DUT: variants seen among roughly 807,000 people sequenced by gnomAD.
DUT encodes deoxyuridine 5'-triphosphate nucleotidohydrolase, mitochondrial.
DUT carries 21 observed loss-of-function variants against 28.8 expected under a neutral mutation model. The ratio of observed to expected loss-of-function variants is 0.73; its 90% CI spans 0.52 to 1.05. The LOEUF (loss-of-function observed/expected upper bound fraction) is 1.05, where lower values mean the gene tolerates loss of function less well. DUT is among the 50% of genes least tolerant of loss of function. The probability of loss-of-function intolerance (pLI) is 0.00; values close to 1 mark genes in which losing one functional copy is unlikely to be tolerated. For missense variants in DUT, 344 were observed against 351.8 expected, an observed-to-expected ratio of 0.98 and a Z score of 0.18; for synonymous variants, 147 against 143.7, an observed-to-expected ratio of 1.02 and a Z score of -0.17.
intron 4 of DUT, among the ~76,000 whole-genome samples, chr15:48,338,810 G>T (rs2042500782): frequency 1.3e-5 from 2 of 152,222 alleles, no homozygotes; most frequent in Admixed American, 1.3e-4. Flanking sequence ...AGCAGCCTGT[G>T]TCTGATATTA....
chr15:48,331,345 G>T, upstream of DUT: 1 of 1,449,152 alleles, frequency 6.9e-7, no homozygotes, highest in Non-Finnish European at 9.1e-7. Context: ...TGGGGCCCCA[G>T]GGCCTGCGCC....
rs779092209 is a variant in DUT, at chr15:48,334,527, A to T, written c.511+19A>T. On this transcript the variant is annotated intron_variant, in intron 3 of 6. Coordinates refer to ENST00000331200, the MANE Select transcript of DUT (RefSeq NM_001025248.2). ...AGAGTGGGTAAGTCATTTAAGAAACAGGTAACTATTTGTCAAGTTCTCCTT... is the reference window on the plus strand; with the variant it reads ...AGAGTGGGTAAGTCATTTAAGAAACTGGTAACTATTTGTCAAGTTCTCCTT... The T allele has an allele frequency of 1.9e-6, 3 of 1,549,648 alleles. No individual in the cohort carries two copies. The Admixed American group carries it at 5.1e-5, about 26-fold the overall frequency.
intron 4 of DUT, among the ~76,000 whole-genome samples, chr15:48,338,530 T>C (rs55791122): frequency 6.6e-6 from 1 of 151,818 alleles, no homozygotes; most frequent in East Asian, 1.9e-4. Context: ...GTCCAACAAA[T>C]GGGAGGAAAA....
intron 4 of DUT, among the ~76,000 whole-genome samples, chr15:48,339,222 TA>T (rs1247967262): frequency 6.6e-6 from 1 of 152,048 alleles, no homozygotes; most frequent in Non-Finnish European, 1.5e-5. Context: ...AAGAAAAAAA[TA>T]AAGTAGTATG....
intron 2 of DUT, chr15:48,332,611 A>G (rs1481379334): frequency 4.3e-6 from 3 of 703,782 alleles, no homozygotes; most frequent in Admixed American, 2.1e-5. Context: ...AAATAGCTAT[A>G]CGGTGTCTAG....
chr15:48,332,860 A>G (rs540627821), intron 2 of DUT: 2 of 443,680 alleles, frequency 4.5e-6, no homozygotes, highest in African/African-American at 2.0e-5. Flanking sequence ...GCATCTGAAA[A>G]CGAAAGGCAG....
chr15:48,331,552 C>G lies in DUT; in HGVS notation c.37C>G (p.His13Asp), dbSNP rs149324355. 230 of 1,610,948 alleles carry G rather than the reference C, an allele frequency of 1.4e-4. 1 individual carries two copies. In the African/African-American group the frequency reaches 2.7e-3, roughly 19 times the overall value. The change falls in exon 1 of 7, where the codon CAT (histidine) becomes GAT (aspartate). Residue 13 changes from histidine (H) to aspartate (D), a missense_variant. Transcript: ENST00000331200. Reference protein sequence around the residue: ...PLCPRPALCYHFLTSLLRSAM... With the variant: ...PLCPRPALCYDFLTSLLRSAM... ...CTGCCCTCGCCCCGCGCTCTGCTAC[C>G]ATTTCCTTACGTCTCTGCTTCGCTC...
At chr15:48,332,479 G>A in intron 2 of DUT, 73 bp downstream of exon 2, 1 of 1,314,736 alleles carries the variant, frequency 7.6e-7, no homozygotes, top group Non-Finnish European at 1.0e-6. Context: ...AACAGTCACC[G>A]GAGAGATCAC....
chr15:48,337,194 C>G (rs1334620783), intron 4 of DUT, among the ~76,000 whole-genome samples: 1 of 152,144 alleles, frequency 6.6e-6, no homozygotes, highest in Admixed American at 6.5e-5. Context: ...TTTTACATAG[C>G]AGGGTGGACA....
In DUT at chr15:48,342,850, A is replaced by G. The variant is rs1173966759; in HGVS notation, c.*772A>G. ...GAAGTAGCAATAGGCTGTAATCAAG[A>G]AAATATGCCATTTATAGAGATAAGA... On this transcript the variant is annotated 3_prime_UTR_variant, in exon 7 of 7. Coordinates refer to ENST00000331200, the MANE Select transcript of DUT (RefSeq NM_001025248.2). The G allele has an allele frequency of 2.0e-5, 3 of 152,212 alleles. No homozygotes were observed. Among genetic ancestry groups the G allele is most frequent in the African/African-American group, 7.2e-5 (3 of 41,454 alleles). The allele number at this position is 152,212 out of a possible 1,614,324, so 9.4% of individuals were successfully genotyped here.
chr15:48,335,953 G>A (rs2042470542), intron 3 of DUT, 93 bp from the exon 4 acceptor site: 1 of 930,744 alleles, frequency 1.1e-6, no homozygotes, highest in Admixed American at 2.4e-5. Context: ...AGATATTATA[G>A]GTGAAGAGAA....
At chr15:48,331,327 C>G (rs12592157), upstream of DUT, 242,226 of 1,440,954 alleles carry the variant, frequency 0.17, 22,167 homozygotes, top group East Asian at 0.44. Flanking sequence ...CCAACGGCGC[C>G]GTCTTCCTGG....
At chr15:48,331,123 G>A, upstream of DUT, 4 of 1,465,876 alleles carry the variant, frequency 2.7e-6, no homozygotes, top group Non-Finnish European at 3.6e-6. Flanking sequence ...GCCGAGATGC[G>A]GTTCCGGCGC....
intron 4 of DUT, among the ~76,000 whole-genome samples, chr15:48,340,939 A>G (rs1267622113): frequency 6.6e-6 from 1 of 152,130 alleles, no homozygotes; most frequent in African/African-American, 2.4e-5. Flanking sequence ...ACCAGGAAAA[A>G]CCTTTAAAAC....
chr15:48,331,439 C>T lies in DUT; in HGVS notation c.-77C>T. On this transcript the variant is annotated 5_prime_UTR_variant, in exon 1 of 7. The change creates a new upstream start codon in the 5' untranslated region. Coordinates refer to ENST00000331200, the MANE Select transcript of DUT (RefSeq NM_001025248.2). ...TGCTTCCGAGGTCATGTTCCCAGGA[C>T]GGGCGCGTCTTCAGGGTGGAAGCCT... 2.5e-6 allele frequency: 4 copies of T among 1,580,106 alleles called. No individual in the cohort carries two copies. The highest frequency in any genetic ancestry group is 3.4e-6 in the Non-Finnish European group (4 of 1,164,818).
chr15:48,338,639 T>C (rs1423274026), intron 4 of DUT, among the ~76,000 whole-genome samples: 1 of 152,232 alleles, frequency 6.6e-6, no homozygotes, highest in Non-Finnish European at 1.5e-5. Flanking sequence ...ATTGTTGCCA[T>C]CAAATATTGG....
chr15:48,331,302 G>C (rs780061275), upstream of DUT: 2,635 of 1,444,988 alleles, frequency 1.8e-3, 5 homozygotes, highest in Non-Finnish European at 2.2e-3. Flanking sequence ...AGAGGCGGCA[G>C]CAAGACTCAA....
intron 2 of DUT, 145 bp from the exon 3 acceptor site, chr15:48,334,272 A>T (rs926160803): frequency 2.1e-6 from 1 of 476,350 alleles, no homozygotes; most frequent in African/African-American, 2.0e-5. Context: ...TTGGTAATTC[A>T]TCATAGCAAG....
rs2042430608 is a variant in DUT at position 48,332,586 on chromosome 15, A to G, written c.419+180A>G. 3 of 705,966 alleles carry G rather than the reference A, an allele frequency of 4.2e-6. No homozygotes were observed. The East Asian group carries it at 8.1e-5, about 19-fold the overall frequency. 43.7% of individuals were successfully genotyped at this position (705,966 alleles called of 1,614,324 possible). The stretch of plus-strand genomic sequence containing the variant: ...AAATTAAATAGAGATTTGGGCAAAG[A>G]CTGCAGAATAAGTAAAATAGCTATA... On this transcript the variant is annotated intron_variant, in intron 2 of 6. Transcript: ENST00000331200.
Sources: gnomAD v4.1 joint callset for allele counts (sites outside exome capture counted in the v4.1 genomes callset) on GRCh38, gnomAD v4.1.1 for gene constraint, MANE v1.5 for transcripts, NCBI Gene and HGNC (gene_info 2026-07-23, HGNC 2026-07-21) for gene names.